BRINP1: variants seen among roughly 807,000 people sequenced by gnomAD.
BRINP1 encodes BMP/retinoic acid inducible neural specific 1.
BRINP1 carries 17 observed loss-of-function variants against 72.9 expected under a neutral mutation model. That is an observed-to-expected ratio of 0.23 (90% CI 0.16 to 0.35). The LOEUF (loss-of-function observed/expected upper bound fraction) is 0.35. Among genes scored for constraint, BRINP1 ranks in the 10% least tolerant of loss-of-function variants. The pLI, the probability that BRINP1 is intolerant of heterozygous loss-of-function variation, is 1.00. For synonymous variants in BRINP1, 418 were observed against 378.5 expected (o/e 1.10, Z -1.21); for missense variants, 850 against 1,001.6 (o/e 0.85, Z 2.04).
intron 7 of BRINP1, among the ~76,000 whole-genome samples, chr9:119,187,492 C>G (rs1469919299): frequency 6.6e-6 from 1 of 151,450 alleles, no homozygotes; most frequent in African/African-American, 2.4e-5. Flanking sequence ...ATGGCTACAC[C>G]AGTGCGCCCA....
chr9:119,222,594 G>C (rs568823776), intron 5 of BRINP1, among the ~76,000 whole-genome samples: 2 of 143,512 alleles, frequency 1.4e-5, no homozygotes, highest in African/African-American at 5.4e-5. Context: ...TGCAGACACT[G>C]TTCTAGGTTC....
chr9:119,321,401 A>T (rs1831185385), intron 1 of BRINP1, among the ~76,000 whole-genome samples: 1 of 152,258 alleles, frequency 6.6e-6, no homozygotes, highest in South Asian at 2.1e-4. Flanking sequence ...CGATGTGGCT[A>T]GTCCAAATGG....
intron 5 of BRINP1, among the ~76,000 whole-genome samples, chr9:119,222,869 G>C (rs1040391795): frequency 6.6e-6 from 1 of 151,764 alleles, no homozygotes; most frequent in Non-Finnish European, 1.5e-5. Flanking sequence ...ACATGAACAT[G>C]TTCTTGAAGC....
At chr9:119,173,448 G>A (rs1195354477) in intron 7 of BRINP1, among the ~76,000 whole-genome samples, 2 of 151,562 alleles carry the variant, frequency 1.3e-5, no homozygotes, top group East Asian at 3.9e-4. Context: ...CCTCTTCAAG[G>A]AGAACCACAA....
At chr9:119,342,175 G>GT (rs1423961836) in intron 1 of BRINP1, among the ~76,000 whole-genome samples, 1 of 151,718 alleles carries the variant, frequency 6.6e-6, no homozygotes, top group African/African-American at 2.4e-5. Flanking sequence ...TGGTTGTATT[G>GT]TTTTTTGGTT....
At chr9:119,234,963 A>T (rs1830180631) in intron 5 of BRINP1, among the ~76,000 whole-genome samples, 1 of 152,062 alleles carries the variant, frequency 6.6e-6, no homozygotes, top group Non-Finnish European at 1.5e-5. Flanking sequence ...CCCACAAGCC[A>T]TTCACCCAAT....
chr9:119,199,843 A>T (rs925436714), intron 7 of BRINP1, among the ~76,000 whole-genome samples: 1 of 149,288 alleles, frequency 6.7e-6, no homozygotes, highest in African/African-American at 2.5e-5. Context: ...CCAAAGTAAT[A>T]GACTTAACAA....
In BRINP1 at chr9:119,167,232, CCCGGGGCCACAG is replaced by C; in HGVS notation, c.2126_2137del (p.Pro709_Gly713delinsArg). 6.2e-7 allele frequency: 1 copy of C among 1,614,124 alleles called. No individual in the cohort carries two copies. The highest frequency in any genetic ancestry group is 8.5e-7 in the Non-Finnish European group (1 of 1,180,038). On this transcript the variant is annotated inframe_deletion, in exon 8 of 8. Coordinates refer to ENST00000265922, the MANE Select transcript of BRINP1 (RefSeq NM_014618.3). The surrounding 1 kb of genome is among the most constrained non-coding windows in gnomAD (Gnocchi z 4.3). ...GGAGAACAAGTCCAGCTGGGGTTTC[CCCGGGGCCACAG>C]GAGGGGCCAGGCGATTAATTCGGTC...
At chr9:119,306,746 G>A (rs541204977) in intron 2 of BRINP1, among the ~76,000 whole-genome samples, 133 of 152,276 alleles carry the variant, frequency 8.7e-4, no homozygotes, top group African/African-American at 2.9e-3. Flanking sequence ...TGGAGAGCTA[G>A]TTTGCCTTAA....
intron 5 of BRINP1, among the ~76,000 whole-genome samples, chr9:119,217,682 T>G (rs1188693577): frequency 6.6e-6 from 1 of 152,190 alleles, no homozygotes; most frequent in African/African-American, 2.4e-5. Context: ...CTTCGACAGG[T>G]GCATCTCACA....
intron 5 of BRINP1, among the ~76,000 whole-genome samples, chr9:119,233,651 A>G (rs564885835): frequency 6.6e-6 from 1 of 152,300 alleles, no homozygotes; most frequent in South Asian, 2.1e-4. Context: ...TACGTATTGT[A>G]TACACAGAAA....
intron 5 of BRINP1, among the ~76,000 whole-genome samples, chr9:119,236,098 C>A (rs1461687719): frequency 1.3e-5 from 2 of 152,118 alleles, no homozygotes; most frequent in Admixed American, 1.3e-4. Flanking sequence ...GCAAGGCAGC[C>A]TTTTAGATAC....
At chr9:119,317,205 A>G (rs1327298884) in intron 1 of BRINP1, among the ~76,000 whole-genome samples, 4 of 152,204 alleles carry the variant, frequency 2.6e-5, no homozygotes, top group Admixed American at 2.6e-4. Flanking sequence ...TCTGGAAAAG[A>G]GTCACCATTC....
chr9:119,181,033 G>A (rs977018328), intron 7 of BRINP1, among the ~76,000 whole-genome samples: 5 of 152,184 alleles, frequency 3.3e-5, no homozygotes, highest in Admixed American at 1.3e-4. Flanking sequence ...GTGTCTGGAA[G>A]GAGGTGACAG....
intron 1 of BRINP1, among the ~76,000 whole-genome samples, chr9:119,315,446 C>T (rs764088190): frequency 2.0e-5 from 3 of 152,028 alleles, no homozygotes; most frequent in Non-Finnish European, 4.4e-5. Flanking sequence ...CAAACTTTAT[C>T]GATAAACCTG....
chr9:119,286,870 G>T (rs1247341899), intron 2 of BRINP1, among the ~76,000 whole-genome samples: 2 of 152,074 alleles, frequency 1.3e-5, no homozygotes, highest in African/African-American at 4.8e-5. Context: ...TCTGACTTCG[G>T]TTATTCAATA....
At chr9:119,244,616 T>C (rs1202480858) in intron 3 of BRINP1, among the ~76,000 whole-genome samples, 1 of 152,184 alleles carries the variant, frequency 6.6e-6, no homozygotes, top group Admixed American at 6.5e-5. Context: ...TCAGGCTCTC[T>C]TAGGGGCCTG....
At chr9:119,344,579 C>A (rs1181330265) in intron 1 of BRINP1, among the ~76,000 whole-genome samples, 1 of 152,176 alleles carries the variant, frequency 6.6e-6, no homozygotes, top group African/African-American at 2.4e-5. Flanking sequence ...CCCTTCCATA[C>A]AAGTTCACTG....
chr9:119,232,409 A>G (rs1477928385), intron 5 of BRINP1, among the ~76,000 whole-genome samples: 7 of 152,182 alleles, frequency 4.6e-5, no homozygotes, highest in African/African-American at 1.7e-4. Context: ...AGTCAGGTCA[A>G]GTTACTTCTC....
Sources: gnomAD v4.1 joint callset for allele counts (sites outside exome capture counted in the v4.1 genomes callset) on GRCh38, gnomAD v4.1.1 for gene constraint, Gnocchi (gnomAD v3.1) non-coding constraint, MANE v1.5 for transcripts, NCBI Gene and HGNC (gene_info 2026-07-23, HGNC 2026-07-21) for gene names.